Variants in SYNE1 observed in about 807,000 individuals in gnomAD.
The protein encoded by SYNE1 is nesprin-1.
In SYNE1, 616 loss-of-function variants were observed where a neutral mutation model predicts 1,111.0. The ratio of observed to expected loss-of-function variants is 0.55; its 90% CI spans 0.52 to 0.59. The LOEUF is 0.59. Among genes scored for constraint, SYNE1 ranks in the 20% least tolerant of loss-of-function variants. SYNE1 has a pLI of 0.00. For missense variants in SYNE1, 10,006 were observed against 10,417.0 expected (o/e 0.96, Z 1.72); for synonymous variants, 3,855 against 3,825.8 (o/e 1.01, Z -0.28).
intron 82 of SYNE1, among the ~76,000 whole-genome samples, chr6:152,322,230 T>C (rs9322367): frequency 0.72 from 109,079 of 152,052 alleles, 39,556 homozygotes; most frequent in South Asian, 0.81. Context: ...GGAATATATA[T>C]AGCTATCTAA....
At chr6:152,198,984 TA>T (rs61232469) in intron 127 of SYNE1, among the ~76,000 whole-genome samples, 75 of 135,358 alleles carry the variant, frequency 5.5e-4, no homozygotes, top group African/African-American at 9.2e-4. Context: ...CTTCAATTTG[TA>T]AAAAAAAAAA....
At chr6:152,135,003 A>G in intron 142 of SYNE1, 101 bp downstream of exon 142, 2 of 1,373,902 alleles carry the variant, frequency 1.5e-6, no homozygotes, top group Non-Finnish European at 2.0e-6. Flanking sequence ...GCAAAAAGTT[A>G]AAAAAAAAGA....
At chr6:152,368,354 T>C (rs186237259) in intron 61 of SYNE1, 3 of 153,544 alleles carry the variant, frequency 2.0e-5, no homozygotes, top group Middle Eastern at 3.4e-3. Context: ...GAGATTGTAG[T>C]AGGATTCCAT....
intron 12 of SYNE1, among the ~76,000 whole-genome samples, chr6:152,486,211 A>T (rs202158438): frequency 3.8e-3 from 372 of 96,720 alleles, no homozygotes; most frequent in Non-Finnish European, 6.5e-3. Context: ...AAAAAATATT[A>T]AAAAAAACAA....
chr6:152,393,585 G>T (rs745639169), intron 51 of SYNE1, among the ~76,000 whole-genome samples: 44 of 151,740 alleles, frequency 2.9e-4, no homozygotes, highest in Non-Finnish European at 4.7e-4. Flanking sequence ...TGGAAATTGG[G>T]GTTCATAGAG....
chr6:152,141,161 C>T, intron 139 of SYNE1, 42 bp downstream of exon 139: 1 of 1,613,680 alleles, frequency 6.2e-7, no homozygotes, highest in South Asian at 1.1e-5. Context: ...GCTTCAGGAT[C>T]TTCTATTTCA....
At position 152,206,352 on chromosome 6, in the gene SYNE1, TTTTC is replaced by T; in HGVS notation, c.22831_22834del (p.Glu7611LysfsTer12). On this transcript the variant is annotated frameshift_variant, in exon 126 of 146. Coordinates refer to ENST00000367255, the MANE Select transcript of SYNE1 (RefSeq NM_182961.4). LOFTEE classifies it high-confidence loss of function. ...GCTGCCTTGTTGCCGCAGAAACACT[TTTTC>T]TTTGAACTGAAAGGAACCATAGCTT... 2 of 1,613,828 alleles carry T rather than the reference TTTTC, an allele frequency of 1.2e-6. No homozygotes were observed. The highest frequency in any genetic ancestry group is 1.7e-6 in the Non-Finnish European group (2 of 1,179,934).
chr6:152,140,913 T>C (rs986128529), intron 139 of SYNE1, among the ~76,000 whole-genome samples: 7 of 152,146 alleles, frequency 4.6e-5, no homozygotes. Flanking sequence ...CGGGCGCCTG[T>C]AGTCCCAGCT....
At chr6:152,449,473 C>T (rs1231750919) in intron 28 of SYNE1, 60 bp downstream of exon 28, 18 of 1,248,996 alleles carry the variant, frequency 1.4e-5, no homozygotes, top group Non-Finnish European at 2.0e-5. Context: ...GTTAGATTCT[C>T]TAACATTATT....
intron 99 of SYNE1, among the ~76,000 whole-genome samples, chr6:152,268,491 C>G (rs2092923075): frequency 6.6e-6 from 1 of 151,640 alleles, no homozygotes; most frequent in African/African-American, 2.4e-5. Flanking sequence ...TCAATATTGT[C>G]ATGCTAAAAG....
chr6:152,617,287 A>C (rs548022870), intron 3 of SYNE1, among the ~76,000 whole-genome samples: 4 of 152,366 alleles, frequency 2.6e-5, no homozygotes, highest in Admixed American at 2.6e-4. Flanking sequence ...TAGACCATCC[A>C]GTAGAGTGCT....
chr6:152,179,639 C>G (rs1277175233), intron 129 of SYNE1, among the ~76,000 whole-genome samples: 1 of 112,670 alleles, frequency 8.9e-6, no homozygotes, highest in African/African-American at 3.7e-5. Context: ...GTAAAGCAGG[C>G]CTTTTTATGC....
chr6:152,354,560 GC>G (rs2096800944), intron 67 of SYNE1, 98 bp downstream of exon 67: 1 of 1,463,782 alleles, frequency 6.8e-7, no homozygotes, highest in South Asian at 1.1e-5. Context: ...ATTTTGCAAA[GC>G]CTAAGCTTTG....
chr6:152,133,677 T>C, intron 142 of SYNE1, 189 bp from the exon 143 acceptor site: 1 of 628,564 alleles, frequency 1.6e-6, no homozygotes, highest in Non-Finnish European at 2.8e-6. Flanking sequence ...AAAAATATTC[T>C]ATAAGACCCC....
At chr6:152,542,316 T>C (rs2099275086) in intron 3 of SYNE1, among the ~76,000 whole-genome samples, 1 of 152,202 alleles carries the variant, frequency 6.6e-6, no homozygotes, top group Non-Finnish European at 1.5e-5. Context: ...AAATTTTGAA[T>C]CTATCTATAA....
At position 152,416,949 on chromosome 6, in the gene SYNE1, A is replaced by G. The variant is rs118022241; in HGVS notation, c.5488T>C (p.Leu1830=). ...LQSLQGHLAK[L]GSLGRAEDLH... ...TCCTCAGCACGGCCCAGAGAACCCA[A>G]CTTTGCTAAGTGACCCTGCAGACTC... Residue 1830 remains leucine, a synonymous_variant, in exon 41 of 146, where the codon TTG becomes CTG. Transcript: ENST00000367255. The G allele has an allele frequency of 2.0e-4, 316 of 1,614,138 alleles. 2 individuals carry two copies. In the East Asian group the frequency reaches 6.8e-3, roughly 35 times the overall value.
intron 63 of SYNE1, among the ~76,000 whole-genome samples, chr6:152,362,584 G>T (rs1304697554): frequency 2.0e-5 from 3 of 152,060 alleles, no homozygotes; most frequent in Non-Finnish European, 4.4e-5. Flanking sequence ...TCAGCGGCTG[G>T]GGGGACACGA....
At chr6:152,258,703 C>A (rs1291116819) in intron 101 of SYNE1, among the ~76,000 whole-genome samples, 2 of 151,838 alleles carry the variant, frequency 1.3e-5, no homozygotes, top group African/African-American at 4.8e-5. Flanking sequence ...AAACTTTTGA[C>A]CATGTTTTCA....
At position 152,453,622 on chromosome 6, in the gene SYNE1, C is replaced by T. The variant is rs1014746277; in HGVS notation, c.2991G>A (p.Leu997=). 12 of 1,614,100 alleles carry T rather than the reference C, an allele frequency of 7.4e-6. No individual in the cohort carries two copies. The African/African-American group carries it at 9.3e-5, about 13-fold the overall frequency. ...DILPEQEQQG[L]QEAVRKLHKQ... is the part of the protein sequence containing the mutation. ...TGTGGAGCTTTCGAACAGCTTCCTG[C>T]AGCCCCTGCTGCTCCTGCTCTGGAA... The change falls in exon 25 of 146, where the codon CTG becomes CTA. Residue 997 remains leucine, a synonymous_variant. Coordinates refer to ENST00000367255, the MANE Select transcript of SYNE1 (RefSeq NM_182961.4).
Sources: gnomAD v4.1 joint callset for allele counts (sites outside exome capture counted in the v4.1 genomes callset) on GRCh38, gnomAD v4.1.1 for gene constraint, MANE v1.5 for transcripts, NCBI Gene and HGNC (gene_info 2026-07-23, HGNC 2026-07-21) for gene names.